The following MGAT4C variants were observed in gnomAD, a reference collection of about 807,000 sequenced individuals.
The protein encoded by MGAT4C is alpha-1,3-mannosyl-glycoprotein 4-beta-N-acetylglucosaminyltransferase C.
A neutral mutation model predicts 40.1 loss-of-function variants in MGAT4C; 19 were observed. That is an observed-to-expected ratio of 0.47 (90% CI 0.33 to 0.70). MGAT4C has a LOEUF of 0.70. Ranked by LOEUF, MGAT4C falls within the 30% of genes least tolerant of loss-of-function variation. The probability of loss-of-function intolerance (pLI) is 0.02; values close to 1 mark genes in which losing one functional copy is unlikely to be tolerated. For synonymous variants in MGAT4C, 181 were observed against 187.1 expected (o/e 0.97, Z 0.27); for missense variants, 491 against 563.2 (o/e 0.87, Z 1.30).
chr12:86,360,610 C>T (rs61950757), intron 3 of MGAT4C, among the ~76,000 whole-genome samples: 12,915 of 152,268 alleles, frequency 0.085, 766 homozygotes, highest in Middle Eastern at 0.22. Context: ...CCCAAATCTC[C>T]TTAAGCTGAT....
At chr12:86,008,667 C>T (rs781774772) in intron 2 of MGAT4C, among the ~76,000 whole-genome samples, 1 of 151,952 alleles carries the variant, frequency 6.6e-6, no homozygotes, top group African/African-American at 2.4e-5. Flanking sequence ...TTAAAACAAA[C>T]TTTTGTGCTT....
At chr12:86,091,483 T>A (rs2135570570) in intron 1 of MGAT4C, among the ~76,000 whole-genome samples, 1 of 152,044 alleles carries the variant, frequency 6.6e-6, no homozygotes, top group East Asian at 1.9e-4. Context: ...AACAGGAGGA[T>A]TAAAAGCAGA....
intron 3 of MGAT4C, among the ~76,000 whole-genome samples, chr12:86,402,942 T>A (rs1026685705): frequency 6.6e-6 from 1 of 152,194 alleles, no homozygotes; most frequent in Non-Finnish European, 1.5e-5. Flanking sequence ...ACACATATAA[T>A]CTTATTTTAT....
In MGAT4C at chr12:86,053,630, A is replaced by C. The variant is rs558057499; in HGVS notation, c.-56-3907T>G. Among the ~76,000 whole-genome samples the C allele has an allele frequency of 6.6e-5, 10 of 152,128 alleles. No homozygotes were observed. In the South Asian group the frequency reaches 1.7e-3, roughly 25 times the overall value. ...CTCTAAACAGCAAGAGAAACAATGG[A>C]TAAAACAAAAAGATAGCCTGCAAAA... is the stretch of plus-strand genomic sequence containing the variant. On this transcript the variant is annotated intron_variant, in intron 1 of 4. Coordinates refer to ENST00000611864, the MANE Select transcript of MGAT4C (RefSeq NM_001351288.2).
At chr12:86,729,490 T>G (rs2136118445) in intron 1 of MGAT4C, among the ~76,000 whole-genome samples, 1 of 152,260 alleles carries the variant, frequency 6.6e-6, no homozygotes, top group South Asian at 2.1e-4. Context: ...ACTGGGAGAT[T>G]AATTCTAAAG....
At chr12:86,382,542 G>A (rs575674196) in intron 3 of MGAT4C, among the ~76,000 whole-genome samples, 34 of 152,160 alleles carry the variant, frequency 2.2e-4, no homozygotes, top group Admixed American at 1.3e-3. Flanking sequence ...CATAAGTAAC[G>A]AGGATGTTAA....
At chr12:86,138,108 C>G (rs916296599) in intron 1 of MGAT4C, among the ~76,000 whole-genome samples, 6 of 152,060 alleles carry the variant, frequency 3.9e-5, no homozygotes, top group Non-Finnish European at 7.4e-5. Context: ...CTTCTGAAGA[C>G]ATGATTAAAT....
intron 1 of MGAT4C, among the ~76,000 whole-genome samples, chr12:86,084,618 T>C (rs1871401419): frequency 6.6e-6 from 1 of 151,782 alleles, no homozygotes; most frequent in South Asian, 2.1e-4. Context: ...TATTTATGGG[T>C]GTTAGCGCAA....
rs5799763 is a variant in MGAT4C at position 85,957,657 on chromosome 12, C to CAAAAAAAAAAAAAAAAAAAAAAGA, written c.*21631_*21632insTCTTTTTTTTTTTTTTTTTTTTTT. 1 of 101,306 alleles carries CAAAAAAAAAAAAAAAAAAAAAAGA rather than the reference C, an allele frequency of 9.9e-6. No individual in the cohort carries two copies. Among genetic ancestry groups the CAAAAAAAAAAAAAAAAAAAAAAGA allele is most frequent in the Non-Finnish European group, 1.9e-5 (1 of 52,742 alleles). 6.3% of individuals were successfully genotyped at this position (101,306 alleles called of 1,614,324 possible). A position where few individuals can be genotyped will look rare whatever the true frequency, so the allele number is the denominator to read the frequency against. ...TTTACTGTAGAGTTGAATAAGAAAG[C>CAAAAAAAAAAAAAAAAAAAAAAGA]AAAAAAAAAAAAAAAAGAAAAAAGA... is the stretch of plus-strand genomic sequence containing the variant. On this transcript the variant is annotated 3_prime_UTR_variant, in exon 5 of 5. Transcript: ENST00000611864.
At chr12:86,518,224 G>C (rs901990689) in intron 2 of MGAT4C, among the ~76,000 whole-genome samples, 1 of 152,052 alleles carries the variant, frequency 6.6e-6, no homozygotes, top group Non-Finnish European at 1.5e-5. Context: ...GAATAGAGTT[G>C]ACTTCATAAA....
intron 2 of MGAT4C, among the ~76,000 whole-genome samples, chr12:86,476,449 A>G (rs1021997073): frequency 6.6e-6 from 1 of 152,150 alleles, no homozygotes; most frequent in African/African-American, 2.4e-5. Context: ...GAGGCTTTGG[A>G]TAAAAGGGAA....
At chr12:86,205,300 T>C (rs1950209432) in intron 1 of MGAT4C, among the ~76,000 whole-genome samples, 1 of 147,032 alleles carries the variant, frequency 6.8e-6, no homozygotes, top group African/African-American at 2.5e-5. Flanking sequence ...AATTATACCT[T>C]TTTCTAAGTT....
chr12:86,638,803 C>T (rs1370739218), intron 2 of MGAT4C, among the ~76,000 whole-genome samples: 1 of 151,698 alleles, frequency 6.6e-6, no homozygotes, highest in Non-Finnish European at 1.5e-5. Context: ...TACTATGAAA[C>T]TCTGCTTTCT....
At chr12:86,350,170 T>A (rs938472475) in intron 3 of MGAT4C, among the ~76,000 whole-genome samples, 1 of 152,090 alleles carries the variant, frequency 6.6e-6, no homozygotes, top group Middle Eastern at 3.2e-3. Flanking sequence ...GTATCTTGGA[T>A]AATTCAGGAA....
intron 1 of MGAT4C, among the ~76,000 whole-genome samples, chr12:86,785,354 A>G (rs900654065): frequency 5.3e-5 from 8 of 152,078 alleles, no homozygotes; most frequent in Non-Finnish European, 1.0e-4. Flanking sequence ...TATTTCAAAA[A>G]GTAAAACATG....
chr12:85,983,507 G>A lies in MGAT4C; in HGVS notation c.295+16C>T. ...TATTTTATGTATTCTTTATTTAAATGTTTAAGGATACTTACGCTTTCTTTG... is the reference window on the plus strand; with the variant it reads ...TATTTTATGTATTCTTTATTTAAATATTTAAGGATACTTACGCTTTCTTTG... On this transcript the variant is annotated intron_variant, in intron 4 of 4. Transcript: ENST00000611864. 3 of 1,523,526 alleles carry A rather than the reference G, an allele frequency of 2.0e-6. No homozygotes were observed. Among genetic ancestry groups the A allele is most frequent in the Non-Finnish European group, 2.6e-6 (3 of 1,138,030 alleles). 94.4% of individuals were successfully genotyped at this position (1,523,526 alleles called of 1,614,324 possible).
chr12:86,579,928 C>T (rs1960712785), intron 2 of MGAT4C, among the ~76,000 whole-genome samples: 1 of 151,460 alleles, frequency 6.6e-6, no homozygotes, highest in African/African-American at 2.4e-5. Flanking sequence ...ATTGAAGCCC[C>T]ATTATCTGTT....
At chr12:86,793,242 C>A (rs1002323907) in intron 1 of MGAT4C, among the ~76,000 whole-genome samples, 1 of 151,912 alleles carries the variant, frequency 6.6e-6, no homozygotes, top group Non-Finnish European at 1.5e-5. Context: ...ATTAAAGATG[C>A]AACTTTTGTT....
At chr12:86,342,832 G>A (rs909812404) in intron 3 of MGAT4C, among the ~76,000 whole-genome samples, 2 of 152,126 alleles carry the variant, frequency 1.3e-5, no homozygotes, top group African/African-American at 4.8e-5. Context: ...AGTTAGCCAT[G>A]CCTTTTCAGT....
Sources: allele counts gnomAD v4.1 joint callset (sites outside exome capture counted in the v4.1 genomes callset), GRCh38; gene constraint gnomAD v4.1.1; transcripts MANE v1.5; gene names NCBI Gene and HGNC (gene_info 2026-07-23, HGNC 2026-07-21).